Variants in ENOX1 observed in about 807,000 individuals in gnomAD.
ENOX1 encodes the protein candidate growth-related and time keeping constitutive hydroquinone (NADH) oxidase.
In ENOX1, 42 loss-of-function variants were observed where a neutral mutation model predicts 82.5. That is an observed-to-expected ratio of 0.51 (90% CI 0.40 to 0.66). The LOEUF (loss-of-function observed/expected upper bound fraction) is 0.66. Ranked by LOEUF, ENOX1 falls within the 30% of genes least tolerant of loss-of-function variation. The pLI, the probability that ENOX1 is intolerant of heterozygous loss-of-function variation, is 0.00. For missense variants in ENOX1, 608 were observed against 811.6 expected (o/e 0.75, Z 3.05); for synonymous variants, 271 against 282.2 (o/e 0.96, Z 0.40).
intron 14 of ENOX1, among the ~76,000 whole-genome samples, chr13:43,263,677 T>A (rs2044210796): frequency 6.6e-6 from 1 of 152,254 alleles, no homozygotes; most frequent in East Asian, 1.9e-4. Flanking sequence ...ATACATTCTC[T>A]CATTTGCTTC....
At chr13:43,453,484 G>A (rs1417955141) in intron 3 of ENOX1, among the ~76,000 whole-genome samples, 1 of 152,154 alleles carries the variant, frequency 6.6e-6, no homozygotes, top group African/African-American at 2.4e-5. Context: ...ACCTTTAATG[G>A]AAGATTAATT....
At chr13:43,408,827 C>T (rs1161595502) in intron 5 of ENOX1, among the ~76,000 whole-genome samples, 1 of 151,962 alleles carries the variant, frequency 6.6e-6, no homozygotes, top group Non-Finnish European at 1.5e-5. Flanking sequence ...AATTAAGTCA[C>T]TGGGGGCATG....
intron 2 of ENOX1, among the ~76,000 whole-genome samples, chr13:43,499,892 C>T (rs797016852): frequency 6.6e-6 from 1 of 151,588 alleles, no homozygotes; most frequent in African/African-American, 2.4e-5. Context: ...AGATAGAAAC[C>T]ATAAAAAAGA....
intron 2 of ENOX1, among the ~76,000 whole-genome samples, chr13:43,590,076 A>T (rs569296440): frequency 6.6e-6 from 1 of 152,304 alleles, no homozygotes; most frequent in East Asian, 1.9e-4. Flanking sequence ...TAGAACAGAA[A>T]ATCGTTATGC....
intron 2 of ENOX1, among the ~76,000 whole-genome samples, chr13:43,487,171 CA>C (rs79661442): frequency 0.13 from 12,239 of 95,078 alleles, 487 homozygotes; most frequent in Middle Eastern, 0.24. Flanking sequence ...GACTCTGTCT[CA>C]AAAAAAAAAA....
chr13:43,344,171 C>T (rs970244987), intron 9 of ENOX1, among the ~76,000 whole-genome samples: 1 of 152,190 alleles, frequency 6.6e-6, no homozygotes, highest in Non-Finnish European at 1.5e-5. Context: ...ACTGTCAGCA[C>T]TAGGAGGACA....
intron 15 of ENOX1, among the ~76,000 whole-genome samples, chr13:43,234,936 A>C (rs1593459142): frequency 6.6e-6 from 1 of 152,224 alleles, no homozygotes; most frequent in East Asian, 1.9e-4. Context: ...GAAGGAAATA[A>C]AAAAATAGAG....
intron 3 of ENOX1, among the ~76,000 whole-genome samples, chr13:43,416,318 G>A (rs1308827913): frequency 4.3e-4 from 63 of 147,422 alleles, no homozygotes; most frequent in African/African-American, 1.4e-3. Context: ...CAGACGGGGC[G>A]GCCGGGCAGA....
chr13:43,378,347 G>C (rs998805780), intron 5 of ENOX1, among the ~76,000 whole-genome samples: 2 of 152,196 alleles, frequency 1.3e-5, no homozygotes, highest in Admixed American at 6.5e-5. Flanking sequence ...AAGTACCAGA[G>C]AGAAGAGAAT....
intron 1 of ENOX1, among the ~76,000 whole-genome samples, chr13:43,701,498 T>A (rs937624165): frequency 6.6e-6 from 1 of 152,220 alleles, no homozygotes; most frequent in African/African-American, 2.4e-5. Context: ...TTATTGTGTG[T>A]ATACCTTAGT....
intron 2 of ENOX1, among the ~76,000 whole-genome samples, chr13:43,626,281 A>G (rs1360608134): frequency 1.3e-5 from 2 of 151,838 alleles, no homozygotes; most frequent in Non-Finnish European, 3.0e-5. Flanking sequence ...AGAGCACTTT[A>G]TTCCACTGAT....
At chr13:43,222,858 C>G (rs575304781) in intron 16 of ENOX1, among the ~76,000 whole-genome samples, 1 of 152,086 alleles carries the variant, frequency 6.6e-6, no homozygotes, top group African/African-American at 2.4e-5. Context: ...TCTTTCTTAC[C>G]TGTGCATGTG....
chr13:43,606,806 G>A (rs1044853762), intron 2 of ENOX1, among the ~76,000 whole-genome samples: 2 of 152,124 alleles, frequency 1.3e-5, no homozygotes, highest in Non-Finnish European at 2.9e-5. Context: ...ATTGAGCACA[G>A]GAGTTCGAGA....
chr13:43,226,305 A>G (rs1371056755), intron 15 of ENOX1, among the ~76,000 whole-genome samples: 1 of 152,164 alleles, frequency 6.6e-6, no homozygotes, highest in Non-Finnish European at 1.5e-5. Context: ...TTGATATATA[A>G]TATTTGTACA....
chr13:43,309,501 G>C (rs2153516994), intron 11 of ENOX1, among the ~76,000 whole-genome samples: 1 of 152,266 alleles, frequency 6.6e-6, no homozygotes, highest in African/African-American at 2.4e-5. Flanking sequence ...CCCGACAGTG[G>C]AGAGGAAACG....
chr13:43,226,325 G>C (rs2042021791), intron 15 of ENOX1, among the ~76,000 whole-genome samples: 2 of 151,508 alleles, frequency 1.3e-5, no homozygotes, highest in African/African-American at 4.9e-5. Flanking sequence ...ATATTTTTTG[G>C]GTACCTGGCA....
intron 7 of ENOX1, chr13:43,359,628 G>C: frequency 3.6e-6 from 2 of 552,680 alleles, no homozygotes; most frequent in South Asian, 4.4e-5. Context: ...AAACTCGATG[G>C]AATTCCTAAA....
At chr13:43,579,649 A>G (rs2080613499) in intron 2 of ENOX1, among the ~76,000 whole-genome samples, 3 of 152,236 alleles carry the variant, frequency 2.0e-5, no homozygotes, top group Admixed American at 2.0e-4. Flanking sequence ...GAAATGGAGC[A>G]CAGGCATTCT....
chr13:43,367,870 T>C (rs1340473588), intron 5 of ENOX1, among the ~76,000 whole-genome samples: 1 of 152,098 alleles, frequency 6.6e-6, no homozygotes, highest in Non-Finnish European at 1.5e-5. Context: ...CAAAATACAC[T>C]TATTGGGATC....
Sources: allele counts gnomAD v4.1 joint callset (sites outside exome capture counted in the v4.1 genomes callset), GRCh38; gene constraint gnomAD v4.1.1; transcripts MANE v1.5; gene names NCBI Gene and HGNC (gene_info 2026-07-23, HGNC 2026-07-21).